Variants in CFAP47 observed in about 807,000 individuals in gnomAD.
The protein encoded by CFAP47 is cilia and flagella associated protein 47.
A neutral mutation model predicts 148.1 loss-of-function variants in CFAP47; 29 were observed. The observed-to-expected ratio is 0.20, with a 90% CI of 0.15 to 0.27. The LOEUF is 0.27. Among genes scored for constraint, CFAP47 ranks in the 10% least tolerant of loss-of-function variants. The probability of loss-of-function intolerance (pLI) is 1.00; values close to 1 mark genes in which losing one functional copy is unlikely to be tolerated. For synonymous variants in CFAP47, 664 were observed against 577.3 expected (o/e 1.15, Z -2.15); for missense variants, 1,872 against 1,697.5 (o/e 1.10, Z -1.81).
intron 26 of CFAP47, among the ~76,000 whole-genome samples, chrX:36,059,412 T>A (rs5972012): frequency 0.055 from 6,172 of 111,834 alleles, 456 homozygotes; most frequent in African/African-American, 0.19. Flanking sequence ...ATAGGGTATG[T>A]AATAGCTAGT....
rs782478588 is a variant in CFAP47 at position 36,338,622 on chromosome X, C to T, written c.8444-9507C>T. 7.1e-5 allele frequency among the ~76,000 whole-genome samples: 8 copies of T among 111,963 alleles called. No homozygotes were observed. The South Asian group carries it at 3.0e-3, about 42-fold the overall frequency. On this transcript the variant is annotated intron_variant, in intron 57 of 63. Coordinates refer to ENST00000378653, the MANE Select transcript of CFAP47 (RefSeq NM_001304548.2). Reference sequence around the variant, plus strand: ...TTCTTTAGTGAGCCCTGCTCATTCTCCTTTGCTGTTCCTGCCCCCCTAACT... The same window carrying T: ...TTCTTTAGTGAGCCCTGCTCATTCTTCTTTGCTGTTCCTGCCCCCCTAACT...
At chrX:36,336,520 T>C (rs1556014885) in intron 57 of CFAP47, among the ~76,000 whole-genome samples, 3 of 111,415 alleles carry the variant, frequency 2.7e-5, no homozygotes, top group African/African-American at 9.8e-5. Context: ...CCACTAGCAA[T>C]AGACAGATCT....
At chrX:35,941,747 A>G (rs1405977912) in intron 3 of CFAP47, among the ~76,000 whole-genome samples, 1 of 111,324 alleles carries the variant, frequency 9.0e-6, no homozygotes, top group East Asian at 2.8e-4. Context: ...AGGATTTTGA[A>G]CTTGAGATTC....
At position 36,249,440 on chromosome X, in the gene CFAP47, TAG is replaced by T. The variant is rs1485992386; in HGVS notation, c.7333-1890_7333-1889del. Among the ~76,000 whole-genome samples the T allele has an allele frequency of 7.2e-5, 8 of 110,404 alleles. No individual in the cohort carries two copies. In the East Asian group the frequency reaches 2.3e-3, roughly 32 times the overall value. Reference sequence around the variant, plus strand: ...ATTTGGAAAAAAACTGACCAATATATAGAGTTACAAAAACTACTGAGCTGACT... The same window carrying T: ...ATTTGGAAAAAAACTGACCAATATATAGTTACAAAAACTACTGAGCTGACT... On this transcript the variant is annotated intron_variant, in intron 48 of 63. Coordinates refer to ENST00000378653, the MANE Select transcript of CFAP47 (RefSeq NM_001304548.2).
chrX:36,167,711 G>T (rs1939509218), intron 39 of CFAP47, among the ~76,000 whole-genome samples: 1 of 111,681 alleles, frequency 9.0e-6, no homozygotes, highest in Admixed American at 9.5e-5. Flanking sequence ...TATGTTCTTG[G>T]CAAAAACAGT....
At chrX:35,937,509 C>T (rs1167752490) in intron 2 of CFAP47, among the ~76,000 whole-genome samples, 3 of 109,769 alleles carry the variant, frequency 2.7e-5, no homozygotes, top group Non-Finnish European at 3.8e-5. Context: ...TTGCTTGCCT[C>T]GTGTACCATT....
At chrX:36,278,731 C>T (rs1283673972) in intron 49 of CFAP47, among the ~76,000 whole-genome samples, 2 of 112,150 alleles carry the variant, frequency 1.8e-5, no homozygotes, top group Non-Finnish European at 3.8e-5. Context: ...TGGAACAGAC[C>T]CCAAATGTAT....
intron 55 of CFAP47, among the ~76,000 whole-genome samples, chrX:36,310,295 T>C (rs1372429214): frequency 1.8e-5 from 2 of 111,365 alleles, no homozygotes; most frequent in African/African-American, 6.5e-5. Flanking sequence ...AATTTTTGAT[T>C]CATTTATCCA....
chrX:36,084,062 C>G (rs1182174387), intron 29 of CFAP47, among the ~76,000 whole-genome samples: 3 of 110,712 alleles, frequency 2.7e-5, no homozygotes, highest in Non-Finnish European at 3.8e-5. Flanking sequence ...ATTTAATCTA[C>G]TGTTAGACTC....
At chrX:36,171,972 C>A (rs1939586731) in intron 39 of CFAP47, among the ~76,000 whole-genome samples, 1 of 109,566 alleles carries the variant, frequency 9.1e-6, no homozygotes, top group Admixed American at 9.8e-5. Flanking sequence ...CTTTTATTTC[C>A]TTGAGAAGTG....
rs781786010 is a variant in CFAP47, at chrX:36,366,989, A to G, written c.9047A>G (p.Glu3016Gly). 3 of 1,143,520 alleles carry G rather than the reference A, an allele frequency of 2.6e-6. No individual in the cohort carries two copies. The highest frequency in any genetic ancestry group is 2.4e-4 in the Middle Eastern group (1 of 4,200). The allele number at this position is 1,143,520 out of a possible 1,213,427, so 94.2% of individuals were successfully genotyped here. A position where few individuals can be genotyped will look rare whatever the true frequency, so the allele number is the denominator to read the frequency against. ...AGGTCTCACATAACACTGAAAATAGAGTGCGTAACAGAAGGGATCTGGAAG... is the reference window on the plus strand; with the variant it reads ...AGGTCTCACATAACACTGAAAATAGGGTGCGTAACAGAAGGGATCTGGAAG... ...PLRSHITLKI[E>G]CVTEGIWKFP... is the part of the protein sequence containing the mutation. Residue 3016 changes from glutamate to glycine, a missense_variant, in exon 62 of 64, where the codon GAG (glutamate) becomes GGG (glycine). Coordinates refer to ENST00000378653, the MANE Select transcript of CFAP47 (RefSeq NM_001304548.2).
At chrX:36,067,676 T>C (rs1047374434) in intron 27 of CFAP47, among the ~76,000 whole-genome samples, 4 of 101,387 alleles carry the variant, frequency 3.9e-5, no homozygotes, top group Non-Finnish European at 7.9e-5. Flanking sequence ...TTTTTTTTTT[T>C]CTTGGAGATG....
Position 36,334,935 on chromosome X carries a change from A to T in CFAP47, c.8444-13194A>T, listed in dbSNP as rs781894041. Among the ~76,000 whole-genome samples, 221 of 110,429 alleles carry T rather than the reference A, an allele frequency of 2.0e-3. 2 individuals carry two copies. Among genetic ancestry groups the T allele is most frequent in the Middle Eastern group, 4.7e-3 (1 of 212 alleles). ...TTTATGGCAATCTATGATGAATTTT[A>T]TGGATCTCTATCTGTGCTCATACCA... On this transcript the variant is annotated intron_variant, in intron 57 of 63. Transcript: ENST00000378653.
chrX:36,036,816 T>C (rs1937343974), intron 24 of CFAP47, among the ~76,000 whole-genome samples: 1 of 111,651 alleles, frequency 9.0e-6, no homozygotes, highest in South Asian at 3.7e-4. Context: ...CATTGAAGTG[T>C]GCTCTCTCTC....
At chrX:36,085,668 T>C (rs867793435) in intron 30 of CFAP47, 130 bp downstream of exon 30, 36 of 273,755 alleles carry the variant, frequency 1.3e-4, no homozygotes, top group African/African-American at 8.4e-4. Flanking sequence ...CACACACACA[T>C]AAATATACAC....
At chrX:36,208,472 A>G (rs782309958) in intron 45 of CFAP47, among the ~76,000 whole-genome samples, 4 of 110,178 alleles carry the variant, frequency 3.6e-5, no homozygotes, top group East Asian at 5.8e-4. Flanking sequence ...TTCACGGCCC[A>G]CAGACACTGT....
At chrX:36,224,545 G>A (rs1051649165) in intron 45 of CFAP47, among the ~76,000 whole-genome samples, 4 of 111,641 alleles carry the variant, frequency 3.6e-5, no homozygotes, top group African/African-American at 1.3e-4. Context: ...GGATCATTTA[G>A]GAATGGGAAA....
intron 49 of CFAP47, among the ~76,000 whole-genome samples, chrX:36,253,578 G>GT (rs1414742912): frequency 9.0e-6 from 1 of 111,256 alleles, no homozygotes; most frequent in Non-Finnish European, 1.9e-5. Context: ...ACGCACGTGT[G>GT]TTATGTATCA....
intron 21 of CFAP47, among the ~76,000 whole-genome samples, chrX:36,012,486 TA>T (rs939058870): frequency 2.7e-5 from 3 of 111,530 alleles, no homozygotes; most frequent in African/African-American, 6.5e-5. Flanking sequence ...TATGCAGCCA[TA>T]AAAAAGGATG....
Sources: gnomAD v4.1 joint callset for allele counts (sites outside exome capture counted in the v4.1 genomes callset) on GRCh38, gnomAD v4.1.1 for gene constraint, MANE v1.5 for transcripts, NCBI Gene and HGNC (gene_info 2026-07-23, HGNC 2026-07-21) for gene names.